The following DNM2 variants were observed in gnomAD, a reference collection of about 807,000 sequenced individuals.
DNM2 encodes the protein dynamin-2.
A neutral mutation model predicts 99.0 loss-of-function variants in DNM2; 15 were observed. The ratio of observed to expected loss-of-function variants is 0.15; its 90% CI spans 0.10 to 0.23. DNM2 has a LOEUF of 0.23. DNM2 is among the 10% of genes least tolerant of loss of function. DNM2 has a pLI of 1.00. For synonymous variants in DNM2, 525 were observed against 481.2 expected (o/e 1.09, Z -1.19); for missense variants, 742 against 1,189.4 (o/e 0.62, Z 5.53).
chr19:10,741,401 G>C (rs930430042), intron 1 of DNM2, among the ~76,000 whole-genome samples: 1 of 151,222 alleles, frequency 6.6e-6, no homozygotes, highest in Non-Finnish European at 1.5e-5. Context: ...ACTAATTTTT[G>C]TATTTTTTCT....
chr19:10,720,808 T>G (rs1200050919), intron 1 of DNM2, among the ~76,000 whole-genome samples: 2 of 152,170 alleles, frequency 1.3e-5, no homozygotes, highest in Admixed American at 6.5e-5. Flanking sequence ...GGGGCTATTG[T>G]TGTTTATCTG....
intron 4 of DNM2, among the ~76,000 whole-genome samples, chr19:10,776,357 C>T (rs374379479): frequency 1.9e-4 from 29 of 152,300 alleles, no homozygotes; most frequent in African/African-American, 6.5e-4. Flanking sequence ...TATTTCCCTT[C>T]GAGTTGACAC....
chr19:10,782,917 G>T, intron 5 of DNM2, 43 bp from the exon 6 acceptor site: 1 of 1,613,488 alleles, frequency 6.2e-7, no homozygotes, highest in Non-Finnish European at 8.5e-7. Flanking sequence ...GGTCCACTTG[G>T]CTCACCTAGC....
At chr19:10,801,168 G>T (rs1355492718) in intron 11 of DNM2, among the ~76,000 whole-genome samples, 1 of 152,072 alleles carries the variant, frequency 6.6e-6, no homozygotes, top group Non-Finnish European at 1.5e-5. Flanking sequence ...TAGCCAGGTG[G>T]TGTGGCGTGC....
chr19:10,827,568 TAA>T (rs951448703), intron 18 of DNM2, among the ~76,000 whole-genome samples: 4 of 141,398 alleles, frequency 2.8e-5, no homozygotes, highest in African/African-American at 2.6e-5. Context: ...AGACCCTATC[TAA>T]AAAAAAAAAA....
rs1036501651 is a variant in DNM2 at position 10,764,376 on chromosome 19, C to T, written c.235+4565C>T. On this transcript the variant is annotated intron_variant, in intron 2 of 20. Coordinates refer to ENST00000389253, the MANE Select transcript of DNM2 (RefSeq NM_001005361.3). The surrounding 1 kb of genome is among the most constrained non-coding windows in gnomAD (Gnocchi z 4.1). ...GCAGCCCACGTTCCCCTCTGGTTCCCGCAGCTTGCCCTCATTCCAGCCATC... is the reference window on the plus strand; with the variant it reads ...GCAGCCCACGTTCCCCTCTGGTTCCTGCAGCTTGCCCTCATTCCAGCCATC... Among the ~76,000 whole-genome samples the T allele has an allele frequency of 6.6e-5, 10 of 152,216 alleles. No individual in the cohort carries two copies. The highest frequency in any genetic ancestry group is 1.0e-4 in the Non-Finnish European group (7 of 68,034).
Position 10,830,301 on chromosome 19 carries a change from T to C in DNM2, c.2466T>C (p.Ser822=), listed in dbSNP as rs781754305. Residue 822 remains serine, a synonymous_variant, in exon 20 of 21, where the codon AGT becomes AGC. Transcript: ENST00000389253. The surrounding 1 kb of genome is among the most constrained non-coding windows in gnomAD (Gnocchi z 4.8). ...RPGPQSVFAN[S]DLFPAPPQIP... ...GACCCCAGAGCGTGTTTGCCAACAGTGACCTCTTCCCAGCCCCGCCTCAGA... is the reference window on the plus strand; with the variant it reads ...GACCCCAGAGCGTGTTTGCCAACAGCGACCTCTTCCCAGCCCCGCCTCAGA... 2 of 1,613,702 alleles carry C rather than the reference T, an allele frequency of 1.2e-6. No individual in the cohort carries two copies. Among genetic ancestry groups the C allele is most frequent in the Non-Finnish European group, 8.5e-7 (1 of 1,179,886 alleles).
In DNM2 at chr19:10,760,162, T is replaced by A. The variant is rs1050467153; in HGVS notation, c.235+351T>A. Among the ~76,000 whole-genome samples, 93 of 151,636 alleles carry A rather than the reference T, an allele frequency of 6.1e-4. 1 individual carries two copies. Among genetic ancestry groups the A allele is most frequent in the Admixed American group, 1.3e-3 (20 of 15,224 alleles). On this transcript the variant is annotated intron_variant, in intron 2 of 20. Transcript: ENST00000389253. The stretch of plus-strand genomic sequence containing the variant: ...GATTCTCCTGCCTCAGCCTCCCAAG[T>A]AGCTGGGATTACAGGTGTGACCCTC...
chr19:10,808,738 C>T, intron 14 of DNM2, 158 bp downstream of exon 14: 1 of 829,694 alleles, frequency 1.2e-6, no homozygotes, highest in Non-Finnish European at 1.9e-6. Flanking sequence ...CGGCGCTGGA[C>T]TGCACGTTGC....
chr19:10,829,002 C>A, intron 18 of DNM2, 34 bp from the exon 19 acceptor site: 1 of 1,599,404 alleles, frequency 6.3e-7, no homozygotes, highest in Non-Finnish European at 8.5e-7. Flanking sequence ...TGGGGTGATA[C>A]ACAAGCCTGA....
chr19:10,778,296 G>T (rs1323858991), intron 5 of DNM2, among the ~76,000 whole-genome samples: 1 of 151,858 alleles, frequency 6.6e-6, no homozygotes, highest in Non-Finnish European at 1.5e-5. Context: ...GCCTCCCAAA[G>T]TGCTGGGATT....
chr19:10,741,698 C>T (rs1056357535), intron 1 of DNM2, among the ~76,000 whole-genome samples: 5 of 151,960 alleles, frequency 3.3e-5, no homozygotes, highest in African/African-American at 7.2e-5. Flanking sequence ...TACAGGTGTC[C>T]GCCACCATGC....
intron 1 of DNM2, among the ~76,000 whole-genome samples, chr19:10,729,277 A>G (rs2069226210): frequency 6.6e-6 from 1 of 151,580 alleles, no homozygotes. Flanking sequence ...TGAAGGTTGC[A>G]GTGATCCGAG....
In DNM2 at chr19:10,831,806, A is replaced by G. The variant is rs2073354253; in HGVS notation, c.*759A>G. The G allele has an allele frequency of 4.0e-6, 4 of 987,906 alleles. No individual in the cohort carries two copies. Among genetic ancestry groups the G allele is most frequent in the Non-Finnish European group, 4.8e-6 (4 of 831,482 alleles). 61.2% of individuals were successfully genotyped at this position (987,906 alleles called of 1,614,324 possible). ...GTGGGCCCAGGGCGGCCTCTCTCTG[A>G]GGAGACCTCACCCACTCCTCGCTCA... On this transcript the variant is annotated 3_prime_UTR_variant, in exon 21 of 21. Coordinates refer to ENST00000389253, the MANE Select transcript of DNM2 (RefSeq NM_001005361.3). The surrounding 1 kb of genome is among the most constrained non-coding windows in gnomAD (Gnocchi z 4.3).
chr19:10,818,375 G>A lies in DNM2; in HGVS notation c.1672-1605G>A, dbSNP rs1249603365. 2.0e-5 allele frequency among the ~76,000 whole-genome samples: 3 copies of A among 152,354 alleles called. No homozygotes were observed. The highest frequency in any genetic ancestry group is 6.5e-5 in the Admixed American group (1 of 15,304). ...CACAAGAGCAACCAAAGAAAATCCC[G>A]GGTGCTCATGGGCACCAGCTCTGCA... On this transcript the variant is annotated intron_variant, in intron 15 of 20. Coordinates refer to ENST00000389253, the MANE Select transcript of DNM2 (RefSeq NM_001005361.3). The surrounding 1 kb of genome is among the most constrained non-coding windows in gnomAD (Gnocchi z 4.3).
At chr19:10,750,500 G>T (rs569133926) in intron 1 of DNM2, among the ~76,000 whole-genome samples, 2 of 151,866 alleles carry the variant, frequency 1.3e-5, no homozygotes, top group South Asian at 4.2e-4. Flanking sequence ...AATTAGCCAA[G>T]CATGGTGACA....
chr19:10,831,740 T>C lies in DNM2; in HGVS notation c.*693T>C, dbSNP rs905176240. 2 of 985,488 alleles carry C rather than the reference T, an allele frequency of 2.0e-6. No homozygotes were observed. The highest frequency in any genetic ancestry group is 2.4e-6 in the Non-Finnish European group (2 of 830,218). 61.0% of individuals were successfully genotyped at this position (985,488 alleles called of 1,614,324 possible). On this transcript the variant is annotated 3_prime_UTR_variant, in exon 21 of 21. Coordinates refer to ENST00000389253, the MANE Select transcript of DNM2 (RefSeq NM_001005361.3). The surrounding 1 kb of genome is among the most constrained non-coding windows in gnomAD (Gnocchi z 4.3). ...CTATGTGGGTGGTGGTGGCGGGGGGTCTTGGGGGCCTCTCAGCTCCCGCCC... is the reference window on the plus strand; with the variant it reads ...CTATGTGGGTGGTGGTGGCGGGGGGCCTTGGGGGCCTCTCAGCTCCCGCCC...
chr19:10,788,053 GAA>G, intron 7 of DNM2, among the ~76,000 whole-genome samples: 1 of 151,126 alleles, frequency 6.6e-6, no homozygotes, highest in East Asian at 2.0e-4. Context: ...CCAACATGGT[GAA>G]ACCCCTGTCT....
chr19:10,731,632 G>C (rs1427179882), intron 1 of DNM2, among the ~76,000 whole-genome samples: 1 of 152,250 alleles, frequency 6.6e-6, no homozygotes, highest in African/African-American at 2.4e-5. Context: ...GGGATTACAG[G>C]CGTGAGCCGC....
Sources: allele counts gnomAD v4.1 joint callset (sites outside exome capture counted in the v4.1 genomes callset), GRCh38; gene constraint gnomAD v4.1.1; non-coding constraint Gnocchi (gnomAD v3.1); transcripts MANE v1.5; gene names NCBI Gene and HGNC (gene_info 2026-07-23, HGNC 2026-07-21).